ARHGAP20: variants seen among roughly 807,000 people sequenced by gnomAD.
The protein encoded by ARHGAP20 is Rho GTPase activating protein 20.
Under a neutral mutation model 73.7 loss-of-function variants are expected in ARHGAP20, and 34 were observed. The observed-to-expected ratio is 0.46, with a 90% CI of 0.35 to 0.61. The LOEUF (loss-of-function observed/expected upper bound fraction) is 0.61. Among genes scored for constraint, ARHGAP20 ranks in the 20% least tolerant of loss-of-function variants. The pLI is 0.00. For synonymous variants in ARHGAP20, 523 were observed against 518.2 expected, an observed-to-expected ratio of 1.01 and a Z score of -0.13; for missense variants, 1,314 against 1,420.9, an observed-to-expected ratio of 0.92 and a Z score of 1.21.
At chr11:110,708,537 G>A (rs562153376) in intron 1 of ARHGAP20, among the ~76,000 whole-genome samples, 42 of 152,306 alleles carry the variant, frequency 2.8e-4, no homozygotes, top group African/African-American at 1.0e-3. Context: ...TCACATGATG[G>A]AATGCTGCTC....
chr11:110,609,023 C>T lies in ARHGAP20; in HGVS notation c.736G>A (p.Val246Ile). 6.2e-7 allele frequency: 1 copy of T among 1,613,554 alleles called. No homozygotes were observed. The highest frequency in any genetic ancestry group is 8.5e-7 in the Non-Finnish European group (1 of 1,179,624). The change falls in exon 8 of 15, where the codon GTC becomes ATC. Residue 246 changes from valine to isoleucine, a missense_variant. Val to Ile is a conservative substitution (Grantham distance 29). Transcript: ENST00000683387. ...GGAGCCTCTTCTTTGCCAGAATTGA[C>T]CCACAACTGGTAATCTCTCTCAGAG... ...TGSERDYQLW[V>I]NSGKEEAPYP...
chr11:110,708,330 A>G (rs1369893504), intron 1 of ARHGAP20, among the ~76,000 whole-genome samples: 1 of 152,192 alleles, frequency 6.6e-6, no homozygotes, highest in Admixed American at 6.5e-5. Context: ...GGAAAAAACA[A>G]TGGACAGATT....
chr11:110,708,493 C>T (rs779728185), intron 1 of ARHGAP20, among the ~76,000 whole-genome samples: 2 of 152,096 alleles, frequency 1.3e-5, no homozygotes, highest in Non-Finnish European at 2.9e-5. Context: ...AAATGCCCAT[C>T]AACAGATGAA....
chr11:110,664,655 G>C (rs1485079993), intron 2 of ARHGAP20, among the ~76,000 whole-genome samples: 2 of 150,814 alleles, frequency 1.3e-5, no homozygotes, highest in African/African-American at 4.9e-5. Flanking sequence ...GTGAACCCGG[G>C]AGGCGGAGCT....
chr11:110,578,989 C>T lies in ARHGAP20; in HGVS notation c.*381G>A. On this transcript the variant is annotated 3_prime_UTR_variant, in exon 15 of 15. Transcript: ENST00000683387. ...TAGATGGTTTCTCTGTACCCTTCCCCTCTCTCCTCAGGCCCCTATTCCTCA... is the reference window on the plus strand; with the variant it reads ...TAGATGGTTTCTCTGTACCCTTCCCTTCTCTCCTCAGGCCCCTATTCCTCA... 1.0e-6 allele frequency: 1 copy of T among 993,248 alleles called. No individual in the cohort carries two copies. The highest frequency in any genetic ancestry group is 1.7e-5 in the African/African-American group (1 of 57,492). 61.5% of individuals were successfully genotyped at this position (993,248 alleles called of 1,614,324 possible).
At position 110,624,074 on chromosome 11, in the gene ARHGAP20, C is replaced by T. The variant is rs535343306; in HGVS notation, c.503+88G>A. 4.1e-6 allele frequency: 6 copies of T among 1,452,584 alleles called. No individual in the cohort carries two copies. The African/African-American group carries it at 7.3e-5, about 18-fold the overall frequency. The allele number at this position is 1,452,584 out of a possible 1,614,324, so 90.0% of individuals were successfully genotyped here. ...ATTTCCCTCTTAAAAATTAGAGGAACAACATTTGATTAATTTTTAAAATTT... is the reference window on the plus strand; with the variant it reads ...ATTTCCCTCTTAAAAATTAGAGGAATAACATTTGATTAATTTTTAAAATTT... On this transcript the variant is annotated intron_variant, in intron 4 of 14. Coordinates refer to ENST00000683387, the MANE Select transcript of ARHGAP20 (RefSeq NM_001384657.1).
intron 12 of ARHGAP20, among the ~76,000 whole-genome samples, chr11:110,584,988 TATATATGA>T (rs1216389115): frequency 1.0e-3 from 89 of 85,226 alleles, no homozygotes; most frequent in African/African-American, 2.5e-3. Flanking sequence ...TATGTGAAAA[TATATATGA>T]ATATATGAAT....
intron 4 of ARHGAP20, among the ~76,000 whole-genome samples, chr11:110,617,348 C>T (rs1249373051): frequency 1.3e-4 from 20 of 151,600 alleles, no homozygotes; most frequent in African/African-American, 4.1e-4. Context: ...CCGCAACCTC[C>T]GCCTCCTGGG....
chr11:110,607,592 T>A (rs532139952), intron 8 of ARHGAP20, among the ~76,000 whole-genome samples: 1 of 152,300 alleles, frequency 6.6e-6, no homozygotes, highest in African/African-American at 2.4e-5. Flanking sequence ...CAGTGAACTC[T>A]TACTCTTCCT....
At chr11:110,622,718 C>T (rs1478815526) in intron 4 of ARHGAP20, among the ~76,000 whole-genome samples, 1 of 152,080 alleles carries the variant, frequency 6.6e-6, no homozygotes, top group African/African-American at 2.4e-5. Context: ...ATATAGCTCA[C>T]TGTGTGTTTG....
intron 2 of ARHGAP20, among the ~76,000 whole-genome samples, chr11:110,664,655 G>A (rs1485079993): frequency 3.3e-5 from 5 of 150,814 alleles, no homozygotes; most frequent in Admixed American, 2.0e-4. Flanking sequence ...GTGAACCCGG[G>A]AGGCGGAGCT....
intron 3 of ARHGAP20, among the ~76,000 whole-genome samples, chr11:110,628,411 A>G (rs773399317): frequency 6.6e-6 from 1 of 152,188 alleles, no homozygotes; most frequent in Non-Finnish European, 1.5e-5. Flanking sequence ...AAGTTCTTTC[A>G]TATTAAGAAG....
intron 4 of ARHGAP20, among the ~76,000 whole-genome samples, chr11:110,621,001 G>A (rs377662787): frequency 1.4e-5 from 2 of 145,438 alleles, no homozygotes; most frequent in Admixed American, 7.1e-5. Context: ...TTGAAGCCGG[G>A]AGGCAGAGGT....
At chr11:110,680,085 T>C (rs1950009416) in intron 2 of ARHGAP20, among the ~76,000 whole-genome samples, 1 of 152,162 alleles carries the variant, frequency 6.6e-6, no homozygotes, top group African/African-American at 2.4e-5. Context: ...TAAAGATTTA[T>C]ATATTTTTAA....
chr11:110,676,464 C>CA (rs1451752479), intron 2 of ARHGAP20, among the ~76,000 whole-genome samples: 4 of 151,680 alleles, frequency 2.6e-5, no homozygotes, highest in African/African-American at 2.4e-5. Flanking sequence ...AAGTACTGAG[C>CA]AAAAAAGGGA....
chr11:110,673,822 G>A (rs920221097), intron 2 of ARHGAP20, among the ~76,000 whole-genome samples: 13 of 152,078 alleles, frequency 8.5e-5, no homozygotes, highest in Non-Finnish European at 1.8e-4. Context: ...TATCTTATCA[G>A]ATAGAAAACT....
rs202241059 is a variant in ARHGAP20 at position 110,580,989 on chromosome 11, G to A, written c.1957C>T (p.Arg653Trp). 34 of 1,614,174 alleles carry A rather than the reference G, an allele frequency of 2.1e-5. No homozygotes were observed. The highest frequency in any genetic ancestry group is 1.2e-4 in the African/African-American group (9 of 75,036). ...TTCACCGGCTTGGATTCAAGAGGCCGTTTCATTTGAACATCTTCATCTTTA... is the reference window on the plus strand; with the variant it reads ...TTCACCGGCTTGGATTCAAGAGGCCATTTCATTTGAACATCTTCATCTTTA... ...HSKDEDVQMKRPLESKPVNIL... is the reference protein window; with the variant it reads ...HSKDEDVQMKWPLESKPVNIL... Residue 653 changes from arginine (R) to tryptophan (W), a missense_variant, in exon 15 of 15, where the codon CGG becomes TGG. By Grantham distance (101) the Arg-to-Trp change is moderately radical. This residue lies in a region of ARHGAP20 where 230 missense variants were observed against 317.6 expected (regional missense o/e 0.72). Coordinates refer to ENST00000683387, the MANE Select transcript of ARHGAP20 (RefSeq NM_001384657.1).
chr11:110,586,115 T>C, intron 12 of ARHGAP20, 101 bp downstream of exon 12: 1 of 555,414 alleles, frequency 1.8e-6, no homozygotes, highest in Non-Finnish European at 2.9e-6. Context: ...TTTAAACTGG[T>C]CCACATGGAT....
intron 2 of ARHGAP20, among the ~76,000 whole-genome samples, chr11:110,682,794 C>T (rs1409382156): frequency 6.6e-6 from 1 of 151,984 alleles, no homozygotes. Context: ...TTACTTATTT[C>T]CTCATTTTGT....
Sources: allele counts gnomAD v4.1 joint callset (sites outside exome capture counted in the v4.1 genomes callset), GRCh38; gene constraint gnomAD v4.1.1; regional missense constraint gnomAD v4.1.1; transcripts MANE v1.5; gene names NCBI Gene and HGNC (gene_info 2026-07-23, HGNC 2026-07-21).